The following AP3D1 variants were observed in gnomAD, a reference collection of about 807,000 sequenced individuals.
AP3D1 encodes AP-3 complex subunit delta-1.
AP3D1 carries 51 observed loss-of-function variants against 147.6 expected under a neutral mutation model. The ratio of observed to expected loss-of-function variants is 0.35; its 90% CI spans 0.28 to 0.44. The LOEUF (loss-of-function observed/expected upper bound fraction) is 0.44. Among genes scored for constraint, AP3D1 ranks in the 20% least tolerant of loss-of-function variants. The pLI is 1.00. For missense variants in AP3D1, 1,421 were observed against 1,624.2 expected (o/e 0.87, Z 2.15); for synonymous variants, 760 against 663.0 (o/e 1.15, Z -2.25).
At position 2,111,789 on chromosome 19, in the gene AP3D1, T is replaced by G; in HGVS notation, c.2827A>C (p.Lys943Gln). ...TTCTTGCCTTTGGTCCGCTCCTCCT[T>G]CTCCTTCCTGTGCTTCTTCTTCTTA... is the stretch of plus-strand genomic sequence containing the variant. ...KPKKKKHRKEKEERTKGKKKS... is the reference protein window; with the variant it reads ...KPKKKKHRKEQEERTKGKKKS... Residue 943 changes from lysine (K) to glutamine (Q), a missense_variant, in exon 25 of 32, where the codon AAG becomes CAG. Lys to Gln is a moderately conservative substitution (Grantham distance 53). This residue lies in a region of AP3D1 where 791 missense variants were observed against 761.4 expected (regional missense o/e 1.04). Transcript: ENST00000643116. The G allele has an allele frequency of 6.2e-7, 1 of 1,613,792 alleles. No individual in the cohort carries two copies. Among genetic ancestry groups the G allele is most frequent in the East Asian group, 2.2e-5 (1 of 44,882 alleles).
chr19:2,144,876 C>T (rs866361357), intron 1 of AP3D1, among the ~76,000 whole-genome samples: 11 of 152,106 alleles, frequency 7.2e-5, no homozygotes, highest in South Asian at 2.1e-4. Context: ...GCACTCCAGC[C>T]TGGGCGACAG....
In AP3D1 at chr19:2,110,801, C is replaced by T; in HGVS notation, c.3081G>A (p.Glu1027=). 6.2e-7 allele frequency: 1 copy of T among 1,613,596 alleles called. No individual in the cohort carries two copies. Among genetic ancestry groups the T allele is most frequent in the African/African-American group, 1.3e-5 (1 of 75,058 alleles). The change falls in exon 27 of 32, where the codon GAG becomes GAA. Residue 1027 remains glutamate, a synonymous_variant. Coordinates refer to ENST00000643116, the MANE Select transcript of AP3D1 (RefSeq NM_001261826.3). ...NRSSSILKGM[E]LSVLDSLNAR... ...CATTGAGTGAGTCCAGCACGCTGAG[C>T]TCCATGCCCTTGAGGATGCTGCTGC... is the stretch of plus-strand genomic sequence containing the variant.
upstream of AP3D1, among the ~76,000 whole-genome samples, chr19:2,152,740 G>C (rs146181555): frequency 0.044 from 6,662 of 150,132 alleles, 216 homozygotes; most frequent in East Asian, 0.14. Context: ...GCCGGGCGTG[G>C]TGGCATGCAC....
At chr19:2,112,721 A>C (rs1184580760) in intron 24 of AP3D1, 139 bp downstream of exon 24, 1 of 593,166 alleles carries the variant, frequency 1.7e-6, no homozygotes. Flanking sequence ...ACCACAACAA[A>C]AGGCCCGTGA....
upstream of AP3D1, among the ~76,000 whole-genome samples, chr19:2,154,008 T>C (rs2144592862): frequency 6.7e-6 from 1 of 149,036 alleles, no homozygotes; most frequent in African/African-American, 2.5e-5. Context: ...AATGCAGTGG[T>C]GCGATCTCAG....
At chr19:2,146,509 C>A (rs1420259602) in intron 1 of AP3D1, among the ~76,000 whole-genome samples, 1 of 150,232 alleles carries the variant, frequency 6.7e-6, no homozygotes, top group Non-Finnish European at 1.5e-5. Context: ...GAGGCTGAGG[C>A]AGGAGAATCA....
intron 1 of AP3D1, among the ~76,000 whole-genome samples, chr19:2,157,456 A>AAAAAAG (rs2019656334): frequency 6.8e-6 from 1 of 148,000 alleles, no homozygotes; most frequent in African/African-American, 2.6e-5. Context: ...AAAAAAAAAA[A>AAAAAAG]AAAAGAAAAA....
chr19:2,128,459 GCCGGCCCGCCCCCGCCGC>G, intron 8 of AP3D1, among the ~76,000 whole-genome samples: 1 of 120,778 alleles, frequency 8.3e-6, no homozygotes, highest in African/African-American at 3.5e-5. Context: ...ACCCCGTGGA[GCCGGCCCGCCCCCGCCGC>G]TCCGACACTG....
upstream of AP3D1, among the ~76,000 whole-genome samples, chr19:2,155,049 G>A (rs1599505949): frequency 2.6e-5 from 4 of 152,040 alleles, no homozygotes; most frequent in South Asian, 6.2e-4. Context: ...GCGTGGTGGC[G>A]AGCACCTGTA....
At chr19:2,144,150 C>T (rs921039291) in intron 1 of AP3D1, among the ~76,000 whole-genome samples, 5 of 152,182 alleles carry the variant, frequency 3.3e-5, no homozygotes, top group East Asian at 1.9e-4. Flanking sequence ...GACGCGCCGG[C>T]GAAGTGGTCC....
chr19:2,140,770 T>C (rs2019199599), intron 1 of AP3D1, among the ~76,000 whole-genome samples: 1 of 143,706 alleles, frequency 7.0e-6, no homozygotes, highest in Non-Finnish European at 1.5e-5. Flanking sequence ...TTTTTTTTTT[T>C]TTTTTTTGAG....
intron 5 of AP3D1, among the ~76,000 whole-genome samples, chr19:2,131,612 C>T (rs1305618780): frequency 6.8e-5 from 8 of 117,834 alleles, no homozygotes; most frequent in East Asian, 2.6e-4. Flanking sequence ...GGCAGCCACG[C>T]GGGGACAGCG....
chr19:2,145,037 T>G (rs1222447881), intron 1 of AP3D1, among the ~76,000 whole-genome samples: 1 of 152,168 alleles, frequency 6.6e-6, no homozygotes, highest in Admixed American at 6.5e-5. Flanking sequence ...CGTTTGTAAA[T>G]ATACTGAAAT....
chr19:2,118,940 G>T, intron 14 of AP3D1, 108 bp from the exon 15 acceptor site: 2 of 1,052,514 alleles, frequency 1.9e-6, no homozygotes, highest in Non-Finnish European at 2.7e-6. Flanking sequence ...GTGACTCTGG[G>T]CCCTTCCCAT....
chr19:2,164,258 C>A, intron 1 of AP3D1: 1 of 1,279,128 alleles, frequency 7.8e-7, no homozygotes, highest in Non-Finnish European at 9.9e-7. Context: ...TGGCCGCTGC[C>A]GGTCTACGTG....
rs1236602212 is a variant in AP3D1 at position 2,110,703 on chromosome 19, T to C, written c.3175+4A>G. The C allele has an allele frequency of 2.4e-5, 38 of 1,591,502 alleles. No homozygotes were observed. The highest frequency in any genetic ancestry group is 3.0e-5 in the Non-Finnish European group (35 of 1,170,194). ...GGAGAGGCCGTGAGTGGGGCAGGGC[T>C]CACCTGGGGGCAGCTGGAAAGGCAC... On this transcript the variant is annotated splice_donor_region_variant and intron_variant, in intron 27 of 31. Coordinates refer to ENST00000643116, the MANE Select transcript of AP3D1 (RefSeq NM_001261826.3).
chr19:2,164,380 C>T (rs1250408732), exon 1 of AP3D1: 3 of 638,320 alleles, frequency 4.7e-6, no homozygotes, highest in East Asian at 7.7e-5. Flanking sequence ...GAACGGAGAC[C>T]CTGGACTCCA....
chr19:2,113,058 G>T, intron 23 of AP3D1, 91 bp from the exon 24 acceptor site: 1 of 942,504 alleles, frequency 1.1e-6, no homozygotes, highest in Non-Finnish European at 1.6e-6. Context: ...CACACCCTCA[G>T]CTTGCCCTCA....
chr19:2,158,943 A>T (rs1176953714), intron 1 of AP3D1, among the ~76,000 whole-genome samples: 2 of 152,186 alleles, frequency 1.3e-5, no homozygotes, highest in Non-Finnish European at 2.9e-5. Flanking sequence ...TGGAGGTTAG[A>T]AGCAAAATGG....
Sources: gnomAD v4.1 joint callset for allele counts (sites outside exome capture counted in the v4.1 genomes callset) on GRCh38, gnomAD v4.1.1 for gene constraint, gnomAD v4.1.1 regional missense constraint, MANE v1.5 for transcripts, NCBI Gene and HGNC (gene_info 2026-07-23, HGNC 2026-07-21) for gene names.